Variants in CNTNAP2 observed in about 807,000 individuals in gnomAD.
The protein encoded by CNTNAP2 is contactin-associated protein-like 2.
Under a neutral mutation model 155.2 loss-of-function variants are expected in CNTNAP2, and 98 were observed. The ratio of observed to expected loss-of-function variants is 0.63; its 90% CI spans 0.54 to 0.75. The LOEUF is 0.75. Among genes scored for constraint, CNTNAP2 ranks in the 30% least tolerant of loss-of-function variants. The pLI is 0.00. For missense variants in CNTNAP2, 1,727 were observed against 1,688.1 expected, an observed-to-expected ratio of 1.02 and a Z score of -0.40; for synonymous variants, 651 against 631.2, an observed-to-expected ratio of 1.03 and a Z score of -0.47.
At chr7:146,310,692 C>T (rs1034637855) in intron 1 of CNTNAP2, among the ~76,000 whole-genome samples, 5 of 152,044 alleles carry the variant, frequency 3.3e-5, no homozygotes, top group African/African-American at 1.2e-4. Flanking sequence ...CTTTTACTTA[C>T]TACGATCAAA....
chr7:147,576,766 A>T (rs2116818927), intron 12 of CNTNAP2, among the ~76,000 whole-genome samples: 1 of 151,980 alleles, frequency 6.6e-6, no homozygotes, highest in African/African-American at 2.4e-5. Context: ...ATGTAACAAA[A>T]TAGCAGGTTT....
intron 3 of CNTNAP2, among the ~76,000 whole-genome samples, chr7:146,853,834 C>T (rs1429157973): frequency 6.6e-6 from 1 of 151,994 alleles, no homozygotes; most frequent in African/African-American, 2.4e-5. Context: ...AACAGATCCA[C>T]CAAATTGTGG....
At chr7:147,658,687 G>T (rs976871951) in intron 13 of CNTNAP2, among the ~76,000 whole-genome samples, 1 of 152,172 alleles carries the variant, frequency 6.6e-6, no homozygotes, top group Non-Finnish European at 1.5e-5. Flanking sequence ...TAAATGATAG[G>T]ATTGCAAGTT....
At chr7:148,323,268 C>T (rs926250579) in intron 21 of CNTNAP2, among the ~76,000 whole-genome samples, 1 of 137,552 alleles carries the variant, frequency 7.3e-6, no homozygotes, top group African/African-American at 2.7e-5. Flanking sequence ...TTCTTCTGTG[C>T]CATATGGCTT....
In CNTNAP2 at chr7:147,130,217, C is replaced by A. The variant is rs565798809; in HGVS notation, c.1083+1381C>A. On this transcript the variant is annotated intron_variant, in intron 7 of 23. Coordinates refer to ENST00000361727, the MANE Select transcript of CNTNAP2 (RefSeq NM_014141.6). ...TCACTTGAGTCCAGGAGTTTGAGAC[C>A]AGCCTGGGCAACATAGTGAGACCAT... 3.6e-3 allele frequency among the ~76,000 whole-genome samples: 552 copies of A among 152,058 alleles called. 4 individuals are homozygous for A. The highest frequency in any genetic ancestry group is 0.013 in the African/African-American group (533 of 41,484).
At chr7:146,922,086 T>C (rs1020747181) in intron 3 of CNTNAP2, among the ~76,000 whole-genome samples, 10 of 152,134 alleles carry the variant, frequency 6.6e-5, no homozygotes, top group African/African-American at 2.4e-4. Flanking sequence ...CACCCAGTAA[T>C]AATGCCAGTA....
At chr7:148,228,606 G>A (rs1008931515) in intron 19 of CNTNAP2, among the ~76,000 whole-genome samples, 6 of 151,840 alleles carry the variant, frequency 4.0e-5, no homozygotes, top group African/African-American at 1.2e-4. Flanking sequence ...GGCAGATGAC[G>A]AGGTCCGGAG....
At chr7:148,349,690 C>T (rs1328229912) in intron 21 of CNTNAP2, among the ~76,000 whole-genome samples, 2 of 152,126 alleles carry the variant, frequency 1.3e-5, no homozygotes, top group Non-Finnish European at 2.9e-5. Flanking sequence ...CGTGAGCCAC[C>T]GCGCCAGGCC....
chr7:146,290,632 T>C (rs1800414149), intron 1 of CNTNAP2, among the ~76,000 whole-genome samples: 1 of 152,238 alleles, frequency 6.6e-6, no homozygotes, highest in Non-Finnish European at 1.5e-5. Flanking sequence ...ATCGCCATCT[T>C]TGAAGTCAGT....
rs532402849 is a variant in CNTNAP2, at chr7:147,470,797, TGGAGGGCA to T, written c.1671-15135_1671-15128del. 2.0e-3 allele frequency among the ~76,000 whole-genome samples: 306 copies of T among 152,084 alleles called. 1 individual carries two copies. The highest frequency in any genetic ancestry group is 2.8e-3 in the Non-Finnish European group (193 of 67,978). ...ATACCTAACTGCAGATGAGGTGGGGTGGAGGGCAGGTAATTTAGAGGTTAATATAATCT... is the reference window on the plus strand; with the variant it reads ...ATACCTAACTGCAGATGAGGTGGGGTGGTAATTTAGAGGTTAATATAATCT... On this transcript the variant is annotated intron_variant, in intron 10 of 23. Transcript: ENST00000361727.
Position 146,908,979 on chromosome 7 carries a change from T to C in CNTNAP2, c.402+69075T>C, listed in dbSNP as rs377427410. Among the ~76,000 whole-genome samples, 637 of 147,044 alleles carry C rather than the reference T, an allele frequency of 4.3e-3. 3 individuals carry two copies. The highest frequency in any genetic ancestry group is 0.015 in the African/African-American group (602 of 39,460). On this transcript the variant is annotated intron_variant, in intron 3 of 23. Transcript: ENST00000361727. ...AAAATGATAAAGGGGATATCACCAC[T>C]GATCCCACAGAAATACAAACTACCA...
At chr7:147,067,997 T>C (rs1368787763) in intron 4 of CNTNAP2, among the ~76,000 whole-genome samples, 1 of 152,232 alleles carries the variant, frequency 6.6e-6, no homozygotes, top group South Asian at 2.1e-4. Context: ...TGGTCTGGGC[T>C]GAGATTCAGG....
intron 1 of CNTNAP2, among the ~76,000 whole-genome samples, chr7:146,260,182 C>T (rs1295573897): frequency 6.6e-6 from 1 of 152,190 alleles, no homozygotes; most frequent in African/African-American, 2.4e-5. Flanking sequence ...TTAGGAGCCT[C>T]CACCTAGATT....
At chr7:147,875,923 TGA>T (rs1213589100) in intron 13 of CNTNAP2, among the ~76,000 whole-genome samples, 26 of 152,266 alleles carry the variant, frequency 1.7e-4, no homozygotes, top group African/African-American at 6.3e-4. Context: ...ATAAAATATT[TGA>T]GAGTACAGAG....
rs147884010 is a variant in CNTNAP2, at chr7:147,620,651, A to G, written c.1898-18455A>G. Among the ~76,000 whole-genome samples the G allele has an allele frequency of 7.3e-3, 1,113 of 152,138 alleles. 17 individuals are homozygous for G. The highest frequency in any genetic ancestry group is 0.025 in the African/African-American group (1,043 of 41,568). ...ATAGCATAAGAGATCAAACAGAAGA[A>G]TTAGTAAGCTTGAAGACAGGTTATT... On this transcript the variant is annotated intron_variant, in intron 12 of 23. Coordinates refer to ENST00000361727, the MANE Select transcript of CNTNAP2 (RefSeq NM_014141.6).
At chr7:148,140,634 C>T (rs931119878) in intron 16 of CNTNAP2, among the ~76,000 whole-genome samples, 2 of 152,044 alleles carry the variant, frequency 1.3e-5, no homozygotes, top group Admixed American at 1.3e-4. Flanking sequence ...GTTGGTCAGG[C>T]TGGTCTCGAA....
At chr7:146,588,693 GA>G (rs1798735903) in intron 1 of CNTNAP2, among the ~76,000 whole-genome samples, 1 of 152,024 alleles carries the variant, frequency 6.6e-6, no homozygotes, top group African/African-American at 2.4e-5. Flanking sequence ...AATGTTGGTA[GA>G]GGTAGGATTT....
intron 12 of CNTNAP2, among the ~76,000 whole-genome samples, chr7:147,622,081 G>T (rs987771814): frequency 2.0e-5 from 3 of 151,930 alleles, no homozygotes; most frequent in African/African-American, 7.2e-5. Flanking sequence ...TCAGCAAGAG[G>T]ATATAACAGT....
chr7:148,173,217 A>T (rs2373319), intron 18 of CNTNAP2, among the ~76,000 whole-genome samples: 46,463 of 152,070 alleles, frequency 0.31, 7,703 homozygotes, highest in Middle Eastern at 0.43. Context: ...TGACCAGAAG[A>T]AGAAATTGAC....
Sources: gnomAD v4.1 joint callset for allele counts (sites outside exome capture counted in the v4.1 genomes callset) on GRCh38, gnomAD v4.1.1 for gene constraint, MANE v1.5 for transcripts, NCBI Gene and HGNC (gene_info 2026-07-23, HGNC 2026-07-21) for gene names.